ABLIM2: variants seen among roughly 807,000 people sequenced by gnomAD.
ABLIM2 encodes actin-binding LIM protein 2.
ABLIM2 carries 53 observed loss-of-function variants against 97.7 expected under a neutral mutation model. The observed-to-expected ratio is 0.54, with a 90% CI of 0.44 to 0.68. ABLIM2 has a LOEUF of 0.68. Among genes scored for constraint, ABLIM2 ranks in the 30% least tolerant of loss-of-function variants. The probability of loss-of-function intolerance (pLI) is 0.00; values close to 1 mark genes in which losing one functional copy is unlikely to be tolerated. For synonymous variants in ABLIM2, 361 were observed against 345.8 expected, an observed-to-expected ratio of 1.04 and a Z score of -0.49; for missense variants, 835 against 867.2, an observed-to-expected ratio of 0.96 and a Z score of 0.47.
At position 8,099,186 on chromosome 4, in the gene ABLIM2, G is replaced by A. The variant is rs550463452; in HGVS notation, c.155-1904C>T. ...GCTTTGTCCGATCTTGCACCATAGC[G>A]TAGACCAAGCAAATACATCCCAACT... On this transcript the variant is annotated intron_variant, in intron 2 of 20. Transcript: ENST00000447017. 5.2e-4 allele frequency among the ~76,000 whole-genome samples: 79 copies of A among 152,328 alleles called. 2 individuals carry two copies. Among genetic ancestry groups the A allele is most frequent in the Non-Finnish European group, 9.3e-4 (63 of 68,030 alleles).
intron 3 of ABLIM2, among the ~76,000 whole-genome samples, chr4:8,089,308 G>T (rs543730251): frequency 6.6e-6 from 1 of 152,166 alleles, no homozygotes; most frequent in African/African-American, 2.4e-5. Flanking sequence ...TGCCATGTCT[G>T]CCCTCGACAC....
intron 20 of ABLIM2, among the ~76,000 whole-genome samples, chr4:7,981,740 T>C (rs1738628249): frequency 6.6e-6 from 1 of 152,194 alleles, no homozygotes; most frequent in African/African-American, 2.4e-5. Flanking sequence ...TTCCAGGCCC[T>C]GGGCAAAGGG....
chr4:8,017,579 C>G (rs538976483), intron 14 of ABLIM2, among the ~76,000 whole-genome samples: 1 of 152,152 alleles, frequency 6.6e-6, no homozygotes, highest in Non-Finnish European at 1.5e-5. Context: ...TGAGCCACCA[C>G]ACCCGGCTTA....
In ABLIM2 at chr4:8,066,396, A is replaced by G. The variant is rs1286225063; in HGVS notation, c.676-5342T>C. On this transcript the variant is annotated intron_variant, in intron 6 of 20. Transcript: ENST00000447017. Reference sequence around the variant, plus strand: ...AAGGAAGGAAGGAAGGAAGGAAGGAAGGAAGGAAGGAAGGAAGGAAGGAAG... The same window carrying G: ...AAGGAAGGAAGGAAGGAAGGAAGGAGGGAAGGAAGGAAGGAAGGAAGGAAG... 87 of 130,266 alleles carry G rather than the reference A, an allele frequency of 6.7e-4. 2 individuals are homozygous for G. The highest frequency in any genetic ancestry group is 2.1e-3 in the African/African-American group (72 of 35,072). 8.1% of individuals were successfully genotyped at this position (130,266 alleles called of 1,614,324 possible). A position where few individuals can be genotyped will look rare whatever the true frequency, so the allele number is the denominator to read the frequency against.
intron 8 of ABLIM2, among the ~76,000 whole-genome samples, chr4:8,053,265 G>A (rs956846153): frequency 6.6e-6 from 1 of 152,166 alleles, no homozygotes; most frequent in Non-Finnish European, 1.5e-5. Flanking sequence ...CCCCCTCCAC[G>A]CTTTGAGTCA....
In ABLIM2 at chr4:8,121,574, C is replaced by G. The variant is rs527458894; in HGVS notation, c.11-14937G>C. Among the ~76,000 whole-genome samples the G allele has an allele frequency of 2.0e-5, 3 of 152,184 alleles. No individual in the cohort carries two copies. In the South Asian group the frequency reaches 6.2e-4, roughly 32 times the overall value. On this transcript the variant is annotated intron_variant, in intron 1 of 20. Coordinates refer to ENST00000447017, the MANE Select transcript of ABLIM2 (RefSeq NM_001130083.2). ...AGACAGGGCGGCCCAGCCCAGGTCA[C>G]GCAGCAAGTCTGTGGCCAGGCCAAC... is the stretch of plus-strand genomic sequence containing the variant.
At chr4:8,106,443 C>T (rs1037106061) in intron 2 of ABLIM2, 51 bp downstream of exon 2, 4 of 1,561,038 alleles carry the variant, frequency 2.6e-6, no homozygotes, top group Non-Finnish European at 3.5e-6. Context: ...AGGATCGCCG[C>T]TGGGAGGCCC....
chr4:8,093,988 T>A (rs1830161486), intron 3 of ABLIM2, among the ~76,000 whole-genome samples: 1 of 152,236 alleles, frequency 6.6e-6, no homozygotes. Context: ...CATCCACAGA[T>A]CCCTGAGGTG....
At chr4:8,081,915 G>T (rs1820082936) in intron 4 of ABLIM2, among the ~76,000 whole-genome samples, 1 of 152,210 alleles carries the variant, frequency 6.6e-6, no homozygotes, top group Admixed American at 6.5e-5. Context: ...ACCTGTCATA[G>T]CTGAATGTGC....
rs527938649 is a variant in ABLIM2, at chr4:8,120,940, G to A, written c.11-14303C>T. On this transcript the variant is annotated intron_variant, in intron 1 of 20. Transcript: ENST00000447017. The surrounding 1 kb of genome is among the most constrained non-coding windows in gnomAD (Gnocchi z 5.6). ...ACCGCAGATTGCTAGCTCAGAGAAA[G>A]ATCGAAATTCAAAATTCAAAGTATG... Among the ~76,000 whole-genome samples the A allele has an allele frequency of 1.3e-4, 20 of 152,328 alleles. No individual in the cohort carries two copies. Among genetic ancestry groups the A allele is most frequent in the African/African-American group, 4.8e-4 (20 of 41,572 alleles).
chr4:8,115,397 T>C (rs888985570), intron 1 of ABLIM2, among the ~76,000 whole-genome samples: 1 of 152,150 alleles, frequency 6.6e-6, no homozygotes, highest in Non-Finnish European at 1.5e-5. Flanking sequence ...TTGACATCCA[T>C]CTCCTCTGTA....
chr4:8,047,694 G>T (rs1793451269), intron 8 of ABLIM2, among the ~76,000 whole-genome samples: 1 of 152,208 alleles, frequency 6.6e-6, no homozygotes, highest in African/African-American at 2.4e-5. Context: ...CATTTTATAT[G>T]AATACATTGA....
chr4:8,074,767 C>A (rs909432629), intron 6 of ABLIM2, among the ~76,000 whole-genome samples: 4 of 144,868 alleles, frequency 2.8e-5, no homozygotes, highest in African/African-American at 1.0e-4. Flanking sequence ...AATGATCAGC[C>A]TGGTAATTCT....
Position 8,128,720 on chromosome 4 carries a change from G to T in ABLIM2, c.11-22083C>A, listed in dbSNP as rs1848884195. ...ACATGCTGATATCCTAAACCCCAGT[G>T]TGACAGGATTTGGAGGCGGGACCTT... On this transcript the variant is annotated intron_variant, in intron 1 of 20. Transcript: ENST00000447017. This position sits in a 1 kb window ranked among gnomAD's most constrained non-coding sequence, Gnocchi z 4.9. 6.6e-6 allele frequency among the ~76,000 whole-genome samples: 1 copy of T among 152,174 alleles called. No individual in the cohort carries two copies.
At chr4:8,114,205 G>A (rs181371698) in intron 1 of ABLIM2, among the ~76,000 whole-genome samples, 65 of 152,330 alleles carry the variant, frequency 4.3e-4, no homozygotes, top group Non-Finnish European at 5.3e-4. Context: ...CAGAGCTGAT[G>A]CTGGCCCTGT....
In ABLIM2 at chr4:8,127,634, G is replaced by A; in HGVS notation, c.11-20997C>T. ...GCTCTCCCTCTGCGTGGCTGGGCCT[G>A]GCACCCACGGAGGATCGGGCAGGAG... On this transcript the variant is annotated intron_variant, in intron 1 of 20. Transcript: ENST00000447017. The surrounding 1 kb of genome is among the most constrained non-coding windows in gnomAD (Gnocchi z 7.3). 1.6e-6 allele frequency: 2 copies of A among 1,288,698 alleles called. No individual in the cohort carries two copies. The highest frequency in any genetic ancestry group is 1.0e-6 in the Non-Finnish European group (1 of 988,060). The allele number at this position is 1,288,698 out of a possible 1,614,324, so 79.8% of individuals were successfully genotyped here.
chr4:8,050,661 A>G (rs905583296), intron 8 of ABLIM2, among the ~76,000 whole-genome samples: 7 of 152,082 alleles, frequency 4.6e-5, no homozygotes, highest in Admixed American at 3.3e-4. Flanking sequence ...TTCTCTCCTT[A>G]ACTGGCTTGC....
At chr4:8,088,360 A>C (rs1386232492) in intron 3 of ABLIM2, 76 bp from the exon 4 acceptor site, 20 of 1,169,402 alleles carry the variant, frequency 1.7e-5, no homozygotes, top group Non-Finnish European at 2.5e-6. Flanking sequence ...CCAGTGCAGG[A>C]GACCAGGGCC....
intron 17 of ABLIM2, among the ~76,000 whole-genome samples, chr4:7,987,542 T>C (rs1745324460): frequency 6.6e-6 from 1 of 152,246 alleles, no homozygotes; most frequent in South Asian, 2.1e-4. Context: ...CTTTGCCACC[T>C]GGCATGTCTG....
Sources: gnomAD v4.1 joint callset for allele counts (sites outside exome capture counted in the v4.1 genomes callset) on GRCh38, gnomAD v4.1.1 for gene constraint, Gnocchi (gnomAD v3.1) non-coding constraint, MANE v1.5 for transcripts, NCBI Gene and HGNC (gene_info 2026-07-23, HGNC 2026-07-21) for gene names.